The following ERBB4 variants were observed in gnomAD, a reference collection of about 807,000 sequenced individuals.
ERBB4 encodes the protein receptor tyrosine-protein kinase erbB-4.
In ERBB4, 42 loss-of-function variants were observed where a neutral mutation model predicts 158.0. The ratio of observed to expected loss-of-function variants is 0.27; its 90% CI spans 0.21 to 0.34. The LOEUF is 0.34. Among genes scored for constraint, ERBB4 ranks in the 10% least tolerant of loss-of-function variants. The pLI is 1.00. For missense variants in ERBB4, 1,333 were observed against 1,624.1 expected, an observed-to-expected ratio of 0.82 and a Z score of 3.08; for synonymous variants, 583 against 558.7, an observed-to-expected ratio of 1.04 and a Z score of -0.61.
chr2:211,857,158 T>TG (rs879461897), intron 3 of ERBB4, among the ~76,000 whole-genome samples: 1,433 of 137,220 alleles, frequency 0.01, 25 homozygotes, highest in African/African-American at 0.033. Flanking sequence ...TCTGTGTGTG[T>TG]TTGTGTGTGT....
At chr2:211,988,304 A>G (rs181508367) in intron 2 of ERBB4, among the ~76,000 whole-genome samples, 3 of 152,222 alleles carry the variant, frequency 2.0e-5, no homozygotes, top group Admixed American at 1.3e-4. Flanking sequence ...TAGTTTTATA[A>G]TCTTGGGCAG....
chr2:211,835,585 T>C (rs1314428737), intron 3 of ERBB4, among the ~76,000 whole-genome samples: 1 of 151,958 alleles, frequency 6.6e-6, no homozygotes, highest in Non-Finnish European at 1.5e-5. Context: ...GTAAATAGAG[T>C]CATGGTTAAT....
chr2:211,849,324 T>A (rs1280556421), intron 3 of ERBB4, among the ~76,000 whole-genome samples: 1 of 152,020 alleles, frequency 6.6e-6, no homozygotes, highest in South Asian at 2.1e-4. Context: ...TGTGCATGGT[T>A]ACCATATTTA....
chr2:212,492,365 C>A (rs1443599052), intron 1 of ERBB4, among the ~76,000 whole-genome samples: 2 of 151,224 alleles, frequency 1.3e-5, no homozygotes, highest in Admixed American at 6.6e-5. Flanking sequence ...AAAATTATAG[C>A]ACTACCTGGA....
At chr2:211,506,248 C>G (rs192899784) in intron 20 of ERBB4, among the ~76,000 whole-genome samples, 115 of 152,044 alleles carry the variant, frequency 7.6e-4, no homozygotes, top group Middle Eastern at 3.4e-3. Flanking sequence ...CACTGGAGCA[C>G]CCAGATTCAT....
intron 1 of ERBB4, among the ~76,000 whole-genome samples, chr2:212,468,752 G>A (rs77135359): frequency 0.019 from 2,830 of 152,264 alleles, 44 homozygotes; most frequent in Non-Finnish European, 0.028. Flanking sequence ...TAGGAGAACC[G>A]TACTTTTTTT....
intron 20 of ERBB4, among the ~76,000 whole-genome samples, chr2:211,511,638 A>G (rs1024821670): frequency 3.9e-5 from 6 of 152,112 alleles, no homozygotes; most frequent in African/African-American, 1.4e-4. Context: ...CATTGTTACC[A>G]GCTTCTATAA....
chr2:211,635,102 T>A (rs1046236320), intron 16 of ERBB4, among the ~76,000 whole-genome samples: 2 of 152,150 alleles, frequency 1.3e-5, no homozygotes, highest in Non-Finnish European at 2.9e-5. Context: ...AGTATTGCAA[T>A]TTTTTTGTCT....
intron 20 of ERBB4, among the ~76,000 whole-genome samples, chr2:211,491,229 C>A (rs1011854165): frequency 1.3e-5 from 2 of 151,926 alleles, no homozygotes; most frequent in African/African-American, 4.8e-5. Context: ...TAGCACAAAC[C>A]AAATTTTAGA....
chr2:211,957,829 A>C (rs1476937699), intron 2 of ERBB4, among the ~76,000 whole-genome samples: 1 of 152,148 alleles, frequency 6.6e-6, no homozygotes, highest in East Asian at 1.9e-4. Flanking sequence ...GCTTGCTAGC[A>C]TTTCAATGTA....
chr2:211,639,744 A>C (rs1342204194), intron 16 of ERBB4, among the ~76,000 whole-genome samples: 2 of 151,956 alleles, frequency 1.3e-5, no homozygotes, highest in Non-Finnish European at 2.9e-5. Context: ...TTTTTTGAGA[A>C]GGAGTCTTAC....
At chr2:212,352,722 G>C (rs2089304031) in intron 1 of ERBB4, among the ~76,000 whole-genome samples, 1 of 151,930 alleles carries the variant, frequency 6.6e-6, no homozygotes, top group African/African-American at 2.4e-5. Flanking sequence ...ACAAAAATTA[G>C]CTGGGTGTGG....
chr2:212,297,964 T>TA (rs770054325), intron 1 of ERBB4, among the ~76,000 whole-genome samples: 3 of 150,734 alleles, frequency 2.0e-5, no homozygotes, highest in Non-Finnish European at 3.0e-5. Flanking sequence ...AAATAGCAAA[T>TA]AAGTAAGAAC....
intron 1 of ERBB4, among the ~76,000 whole-genome samples, chr2:212,356,212 T>C (rs1167105479): frequency 6.6e-6 from 1 of 151,978 alleles, no homozygotes; most frequent in African/African-American, 2.4e-5. Flanking sequence ...CTTCAGCCAG[T>C]ACTTTGGAGG....
intron 5 of ERBB4, among the ~76,000 whole-genome samples, chr2:211,745,312 A>G (rs546043207): frequency 6.6e-6 from 1 of 152,234 alleles, no homozygotes; most frequent in African/African-American, 2.4e-5. Flanking sequence ...TGATCTTACA[A>G]TAAGTATATT....
At chr2:212,470,997 A>C (rs1689090866) in intron 1 of ERBB4, among the ~76,000 whole-genome samples, 1 of 152,042 alleles carries the variant, frequency 6.6e-6, no homozygotes, top group Non-Finnish European at 1.5e-5. Flanking sequence ...ATGGAAAGAC[A>C]AGAAAATACT....
At chr2:212,114,215 G>A (rs1368624574) in intron 2 of ERBB4, among the ~76,000 whole-genome samples, 1 of 152,144 alleles carries the variant, frequency 6.6e-6, no homozygotes, top group Non-Finnish European at 1.5e-5. Context: ...TGTAATGGGA[G>A]GAATTTAGAC....
At chr2:211,708,629 T>A (rs2073546384) in intron 9 of ERBB4, among the ~76,000 whole-genome samples, 1 of 151,850 alleles carries the variant, frequency 6.6e-6, no homozygotes, top group South Asian at 2.1e-4. Context: ...TCTCTCTCTC[T>A]CTCTCTCTCT....
chr2:212,283,773 A>G (rs2106156199), intron 1 of ERBB4, among the ~76,000 whole-genome samples: 1 of 152,168 alleles, frequency 6.6e-6, no homozygotes, highest in Non-Finnish European at 1.5e-5. Context: ...ACAATGGCTC[A>G]GGTGAAAAAT....
Sources: allele counts gnomAD v4.1 joint callset (sites outside exome capture counted in the v4.1 genomes callset), GRCh38; gene constraint gnomAD v4.1.1; transcripts MANE v1.5; gene names NCBI Gene and HGNC (gene_info 2026-07-23, HGNC 2026-07-21).